SERINC5: variants seen among roughly 807,000 people sequenced by gnomAD.
SERINC5 encodes the protein serine incorporator 5.
A neutral mutation model predicts 63.1 loss-of-function variants in SERINC5; 41 were observed. That is an observed-to-expected ratio of 0.65 (90% confidence interval 0.51 to 0.84). SERINC5 has a LOEUF of 0.84. SERINC5 is among the 40% of genes least tolerant of loss of function. The pLI is 0.00. For synonymous variants in SERINC5, 222 were observed against 215.2 expected (o/e 1.03, Z -0.28); for missense variants, 523 against 573.0 (o/e 0.91, Z 0.89).
chr5:80,125,329 G>A (rs1454165221), intron 11 of SERINC5, among the ~76,000 whole-genome samples: 1 of 152,186 alleles, frequency 6.6e-6, no homozygotes, highest in African/African-American at 2.4e-5. Context: ...TGAGAGGCTG[G>A]GCAGAGGATC....
intron 2 of SERINC5, among the ~76,000 whole-genome samples, chr5:80,198,236 G>A (rs1176776193): frequency 6.6e-6 from 1 of 152,102 alleles, no homozygotes; most frequent in Admixed American, 6.5e-5. Context: ...AAAATAAATA[G>A]CCCTTATGTT....
chr5:80,206,968 T>C (rs1486782211), intron 1 of SERINC5, among the ~76,000 whole-genome samples: 1 of 151,850 alleles, frequency 6.6e-6, no homozygotes, highest in Non-Finnish European at 1.5e-5. Flanking sequence ...AACTCTCTGT[T>C]ACCCTGTGGT....
At chr5:80,150,049 A>G (rs1157225657) in intron 9 of SERINC5, among the ~76,000 whole-genome samples, 1 of 152,218 alleles carries the variant, frequency 6.6e-6, no homozygotes, top group Non-Finnish European at 1.5e-5. Context: ...CTACCTGACA[A>G]AACGCCCACC....
At chr5:80,133,182 C>T (rs1038455365) in intron 11 of SERINC5, among the ~76,000 whole-genome samples, 4 of 152,170 alleles carry the variant, frequency 2.6e-5, no homozygotes, top group African/African-American at 9.7e-5. Context: ...TGAGGCCTCT[C>T]CAGAAGCCGA....
chr5:80,175,519 A>T (rs1747969822), intron 4 of SERINC5, among the ~76,000 whole-genome samples: 1 of 152,206 alleles, frequency 6.6e-6, no homozygotes, highest in Non-Finnish European at 1.5e-5. Flanking sequence ...TCTGCCACAA[A>T]GACGCTATAA....
chr5:80,166,379 T>C lies in SERINC5; in HGVS notation c.859+4A>G. 8 of 1,569,448 alleles carry C rather than the reference T, an allele frequency of 5.1e-6. No homozygotes were observed. The highest frequency in any genetic ancestry group is 6.9e-6 in the Non-Finnish European group (8 of 1,155,034). On this transcript the variant is annotated splice_donor_region_variant and intron_variant, in intron 7 of 11. Coordinates refer to ENST00000507668, the MANE Select transcript of SERINC5 (RefSeq NM_001174072.3). ...AACACAAGCCCACTAACAGGCTGGC[T>C]TACCTACTTCTGCAGGTTTGCTGGA...
intron 1 of SERINC5, among the ~76,000 whole-genome samples, chr5:80,254,801 G>T (rs1752577461): frequency 6.6e-6 from 1 of 152,198 alleles, no homozygotes; most frequent in African/African-American, 2.4e-5. Context: ...GCCAAGCACA[G>T]TATTAGACCT....
chr5:80,201,494 C>A (rs1749832024), intron 2 of SERINC5, among the ~76,000 whole-genome samples: 1 of 152,198 alleles, frequency 6.6e-6, no homozygotes, highest in Non-Finnish European at 1.5e-5. Context: ...CAGTAAAAGC[C>A]TGCTTCCCTG....
intron 1 of SERINC5, among the ~76,000 whole-genome samples, chr5:80,221,986 A>C (rs1416800282): frequency 6.6e-6 from 1 of 151,926 alleles, no homozygotes; most frequent in Non-Finnish European, 1.5e-5. Context: ...CTCTACAAAA[A>C]AATTTTCTTA....
intron 1 of SERINC5, among the ~76,000 whole-genome samples, chr5:80,232,115 A>G (rs1194774316): frequency 6.6e-6 from 1 of 151,198 alleles, no homozygotes; most frequent in African/African-American, 2.4e-5. Flanking sequence ...AAAAAAAAAA[A>G]AAAAAAAGGC....
Position 80,140,217 on chromosome 5 carries a change from G to A in SERINC5, c.*3446C>T, listed in dbSNP as rs1168790935. The A allele has an allele frequency of 1.3e-5, 10 of 785,392 alleles. No homozygotes were observed. In the East Asian group the frequency reaches 7.7e-4, roughly 60 times the overall value. The allele number at this position is 785,392 out of a possible 1,614,324, so 48.7% of individuals were successfully genotyped here. On this transcript the variant is annotated 3_prime_UTR_variant, in exon 12 of 12. Transcript: ENST00000507668. ...ACCTGTGGTCTCAGCTACTTGGGAGGTGGTCCTTGAGCCCAGGAGGTCAAG... is the reference window on the plus strand; with the variant it reads ...ACCTGTGGTCTCAGCTACTTGGGAGATGGTCCTTGAGCCCAGGAGGTCAAG...
At chr5:80,176,433 A>G (rs1561396734) in intron 4 of SERINC5, among the ~76,000 whole-genome samples, 1 of 152,044 alleles carries the variant, frequency 6.6e-6, no homozygotes, top group Non-Finnish European at 1.5e-5. Context: ...CTAAATGTTT[A>G]GTTTAGTTTT....
intron 2 of SERINC5, among the ~76,000 whole-genome samples, chr5:80,187,162 T>C (rs936767500): frequency 6.6e-6 from 1 of 151,896 alleles, no homozygotes; most frequent in African/African-American, 2.4e-5. Context: ...CAAAACTCCA[T>C]CTCAAAAAAA....
rs553141131 is a variant in SERINC5 at position 80,141,975 on chromosome 5, A to G, written c.*1688T>C. The G allele has an allele frequency of 9.8e-4, 961 of 985,416 alleles. No individual in the cohort carries two copies. Among genetic ancestry groups the G allele is most frequent in the Non-Finnish European group, 1.1e-3 (908 of 829,940 alleles). 61.0% of individuals were successfully genotyped at this position (985,416 alleles called of 1,614,324 possible). ...GGAGAAGGGCAAAGGAATGAATAGA[A>G]AGAATTTCACTAATTTCACCCACCA... On this transcript the variant is annotated 3_prime_UTR_variant, in exon 12 of 12. Coordinates refer to ENST00000507668, the MANE Select transcript of SERINC5 (RefSeq NM_001174072.3).
At chr5:80,170,501 A>C (rs1378882354) in intron 5 of SERINC5, among the ~76,000 whole-genome samples, 2 of 152,178 alleles carry the variant, frequency 1.3e-5, no homozygotes, top group Non-Finnish European at 2.9e-5. Flanking sequence ...GCAGTGTCAC[A>C]TGACTGTGTC....
chr5:80,202,804 A>G (rs7723756), intron 2 of SERINC5, 82 bp downstream of exon 2: 156,637 of 1,382,600 alleles, frequency 0.11, 9,293 homozygotes, highest in East Asian at 0.15. Context: ...GGGTACATGG[A>G]CCCCATCTTC....
intron 8 of SERINC5, among the ~76,000 whole-genome samples, chr5:80,155,228 C>G (rs993514405): frequency 7.9e-5 from 12 of 152,168 alleles, no homozygotes; most frequent in Non-Finnish European, 1.8e-4. Flanking sequence ...TTTGTCACAG[C>G]AAAGCTCCAG....
chr5:80,181,700 T>G (rs1400636530), intron 2 of SERINC5, among the ~76,000 whole-genome samples: 4 of 152,224 alleles, frequency 2.6e-5, no homozygotes, highest in Non-Finnish European at 5.9e-5. Context: ...CAAGATGTTT[T>G]GCTTGATAAA....
At position 80,143,569 on chromosome 5, in the gene SERINC5, G is replaced by A; in HGVS notation, c.*94C>T. 7.1e-7 allele frequency: 1 copy of A among 1,414,898 alleles called. No homozygotes were observed. Among genetic ancestry groups the A allele is most frequent in the Non-Finnish European group, 9.2e-7 (1 of 1,083,574 alleles). The allele number at this position is 1,414,898 out of a possible 1,614,324, so 87.6% of individuals were successfully genotyped here. ...TCAAAGCTTTTTCAGACCCACTCAG[G>A]CACAGGGCGCCAGTCCCTGCCCCGG... On this transcript the variant is annotated 3_prime_UTR_variant, in exon 12 of 12. Coordinates refer to ENST00000507668, the MANE Select transcript of SERINC5 (RefSeq NM_001174072.3).
Sources: allele counts gnomAD v4.1 joint callset (sites outside exome capture counted in the v4.1 genomes callset), GRCh38; gene constraint gnomAD v4.1.1; transcripts MANE v1.5; gene names NCBI Gene and HGNC (gene_info 2026-07-23, HGNC 2026-07-21).